Variants in PCDH15 observed in about 807,000 individuals in gnomAD.
The protein encoded by PCDH15 is protocadherin related 15, also known as protocadherin-15.
In PCDH15, 129 loss-of-function variants were observed where a neutral mutation model predicts 178.5. That is an observed-to-expected ratio of 0.72 (90% CI 0.63 to 0.84). The LOEUF (loss-of-function observed/expected upper bound fraction) is 0.84. Ranked by LOEUF, PCDH15 falls within the 40% of genes least tolerant of loss-of-function variation. PCDH15 has a pLI of 0.00. For synonymous variants in PCDH15, 800 were observed against 732.0 expected, an observed-to-expected ratio of 1.09 and a Z score of -1.50; for missense variants, 2,230 against 2,099.9, an observed-to-expected ratio of 1.06 and a Z score of -1.21.
At chr10:55,339,612 A>G (rs1844495247) in intron 2 of PCDH15, among the ~76,000 whole-genome samples, 1 of 152,148 alleles carries the variant, frequency 6.6e-6, no homozygotes, top group South Asian at 2.1e-4. Context: ...CATAAGAAAA[A>G]TAACATTGAG....
At chr10:54,883,412 C>A (rs1954298537) in intron 3 of PCDH15, among the ~76,000 whole-genome samples, 1 of 151,922 alleles carries the variant, frequency 6.6e-6, no homozygotes, top group South Asian at 2.1e-4. Flanking sequence ...ATTCTGGATG[C>A]ATATTCTTAG....
chr10:54,490,473 A>C (rs889224029), intron 3 of PCDH15, among the ~76,000 whole-genome samples: 8 of 151,634 alleles, frequency 5.3e-5, no homozygotes, highest in Non-Finnish European at 8.8e-5. Context: ...TAAATAATAA[A>C]TAACTAATAA....
intron 2 of PCDH15, among the ~76,000 whole-genome samples, chr10:55,547,908 T>A (rs866897369): frequency 0.01 from 369 of 35,224 alleles, 6 homozygotes; most frequent in African/African-American, 0.045. Context: ...TGTGTGTGTG[T>A]GTGAGAGAGA....
intron 2 of PCDH15, among the ~76,000 whole-genome samples, chr10:54,615,363 C>T (rs948200331): frequency 1.3e-5 from 2 of 151,788 alleles, no homozygotes; most frequent in African/African-American, 2.4e-5. Flanking sequence ...TGGAACTAAA[C>T]AGAAATGTGT....
chr10:55,340,815 C>T (rs1217751426), intron 2 of PCDH15, among the ~76,000 whole-genome samples: 1 of 151,892 alleles, frequency 6.6e-6, no homozygotes, highest in South Asian at 2.1e-4. Flanking sequence ...ATTTATACTT[C>T]TCAAGATTAA....
chr10:54,950,419 G>A (rs1838310745), intron 2 of PCDH15, among the ~76,000 whole-genome samples: 1 of 151,946 alleles, frequency 6.6e-6, no homozygotes, highest in Non-Finnish European at 1.5e-5. Context: ...GATAGTGAAT[G>A]AGTCTTACAA....
At chr10:54,033,170 C>A (rs1427559745) in intron 18 of PCDH15, among the ~76,000 whole-genome samples, 3 of 151,826 alleles carry the variant, frequency 2.0e-5, no homozygotes, top group Non-Finnish European at 4.4e-5. Flanking sequence ...AAAGTAAGTA[C>A]AATATATATA....
intron 2 of PCDH15, among the ~76,000 whole-genome samples, chr10:55,102,681 G>C (rs1331572526): frequency 1.3e-5 from 2 of 152,154 alleles, no homozygotes; most frequent in African/African-American, 4.8e-5. Context: ...CAATGCAGGG[G>C]TTAAGGCACT....
chr10:53,992,319 C>T (rs2091568994), intron 21 of PCDH15, among the ~76,000 whole-genome samples: 1 of 152,206 alleles, frequency 6.6e-6, no homozygotes, highest in South Asian at 2.1e-4. Context: ...AACTGTAACA[C>T]TCAGTGCGAC....
At chr10:54,007,307 T>C (rs11003998) in intron 20 of PCDH15, among the ~76,000 whole-genome samples, 11,007 of 152,184 alleles carry the variant, frequency 0.072, 528 homozygotes, top group Middle Eastern at 0.21. Context: ...TTTACTATCA[T>C]CACAGATTCA....
At chr10:55,121,732 C>A (rs116942905) in intron 2 of PCDH15, among the ~76,000 whole-genome samples, 1 of 152,168 alleles carries the variant, frequency 6.6e-6, no homozygotes, top group Non-Finnish European at 1.5e-5. Context: ...CCCTTTTACC[C>A]TTCTGTCCTT....
intron 2 of PCDH15, among the ~76,000 whole-genome samples, chr10:55,344,107 T>C (rs186432783): frequency 4.1e-4 from 62 of 152,072 alleles, no homozygotes; most frequent in African/African-American, 1.5e-3. Flanking sequence ...AGAAAAGCCT[T>C]ACAGGAAGAA....
intron 2 of PCDH15, among the ~76,000 whole-genome samples, chr10:54,918,987 G>C (rs555453152): frequency 1.3e-5 from 2 of 152,042 alleles, no homozygotes; most frequent in Non-Finnish European, 2.9e-5. Context: ...ATCATATTGC[G>C]TATCACTCAT....
At chr10:54,973,393 T>C (rs1310883116) in intron 2 of PCDH15, among the ~76,000 whole-genome samples, 1 of 152,220 alleles carries the variant, frequency 6.6e-6, no homozygotes, top group East Asian at 1.9e-4. Context: ...TTAGGTTGCA[T>C]AAAAATATGC....
chr10:54,584,061 C>T (rs2091267725), intron 2 of PCDH15, among the ~76,000 whole-genome samples: 1 of 151,978 alleles, frequency 6.6e-6, no homozygotes, highest in African/African-American at 2.4e-5. Context: ...CTTTTAACGG[C>T]AGAACATATC....
At chr10:54,011,045 A>G (rs2092565407) in intron 20 of PCDH15, among the ~76,000 whole-genome samples, 7 of 152,170 alleles carry the variant, frequency 4.6e-5, no homozygotes, top group Admixed American at 4.6e-4. Context: ...AGAGAAGCCC[A>G]GACTGTCCTC....
chr10:55,627,601 T>G (rs1837558739), intron 2 of PCDH15: 1 of 151,994 alleles, frequency 6.6e-6, no homozygotes, highest in African/African-American at 2.4e-5. Context: ...GGGCTGAGAA[T>G]CAGGATCCCA....
chr10:54,833,989 G>T (rs1211190258), intron 3 of PCDH15, among the ~76,000 whole-genome samples: 1 of 151,814 alleles, frequency 6.6e-6, no homozygotes, highest in African/African-American at 2.4e-5. Flanking sequence ...TAGGCTCCTG[G>T]GCTATAGAAT....
chr10:54,026,417 G>A (rs1565053880), intron 18 of PCDH15, among the ~76,000 whole-genome samples: 1 of 152,092 alleles, frequency 6.6e-6, no homozygotes, highest in African/African-American at 2.4e-5. Context: ...TCATTAAGCA[G>A]ACTGACAGTA....
Sources: gnomAD v4.1 joint callset for allele counts (sites outside exome capture counted in the v4.1 genomes callset) on GRCh38, gnomAD v4.1.1 for gene constraint, MANE v1.5 for transcripts, NCBI Gene and HGNC (gene_info 2026-07-23, HGNC 2026-07-21) for gene names.